Variants in KCNIP4 observed in about 807,000 individuals in gnomAD.
KCNIP4 encodes the protein Kv channel-interacting protein 4.
A neutral mutation model predicts 34.0 loss-of-function variants in KCNIP4; 12 were observed. That is an observed-to-expected ratio of 0.35 (90% CI 0.23 to 0.57). The LOEUF (loss-of-function observed/expected upper bound fraction) is 0.57. Among genes scored for constraint, KCNIP4 ranks in the 20% least tolerant of loss-of-function variants. KCNIP4 has a pLI of 0.83. For synonymous variants in KCNIP4, 124 were observed against 102.2 expected (o/e 1.21, Z -1.29); for missense variants, 238 against 311.7 (o/e 0.76, Z 1.78).
At chr4:20,773,387 C>A (rs771285271) in intron 3 of KCNIP4, among the ~76,000 whole-genome samples, 39 of 152,158 alleles carry the variant, frequency 2.6e-4, no homozygotes, top group Admixed American at 1.3e-3. Context: ...GTGTCTAGTA[C>A]TTCAGTGCTT....
chr4:21,093,153 C>T (rs1221053687), intron 1 of KCNIP4, among the ~76,000 whole-genome samples: 1 of 152,160 alleles, frequency 6.6e-6, no homozygotes, highest in African/African-American at 2.4e-5. Flanking sequence ...GTTGAGCAGG[C>T]AACATTGTTT....
intron 1 of KCNIP4, among the ~76,000 whole-genome samples, chr4:21,860,757 T>C (rs1026212628): frequency 1.3e-5 from 2 of 152,212 alleles, no homozygotes; most frequent in African/African-American, 4.8e-5. Flanking sequence ...ATTGAAGTTA[T>C]ACACATAGCC....
At chr4:21,137,098 A>C (rs1180485964) in intron 1 of KCNIP4, among the ~76,000 whole-genome samples, 1 of 146,450 alleles carries the variant, frequency 6.8e-6, no homozygotes, top group South Asian at 2.1e-4. Flanking sequence ...GTCTTGGCAA[A>C]ATATTTGAAC....
At chr4:20,830,264 C>A (rs572194640) in intron 3 of KCNIP4, among the ~76,000 whole-genome samples, 1 of 152,190 alleles carries the variant, frequency 6.6e-6, no homozygotes, top group South Asian at 2.1e-4. Flanking sequence ...CTTATAAATC[C>A]CTTTACAGGT....
At chr4:21,025,729 T>C (rs1326416638) in intron 1 of KCNIP4, among the ~76,000 whole-genome samples, 1 of 151,722 alleles carries the variant, frequency 6.6e-6, no homozygotes, top group Admixed American at 6.6e-5. Flanking sequence ...AATTTTTTTG[T>C]ATTTTTAGAA....
At chr4:20,814,236 A>T (rs1041759855) in intron 3 of KCNIP4, among the ~76,000 whole-genome samples, 1 of 152,204 alleles carries the variant, frequency 6.6e-6, no homozygotes, top group African/African-American at 2.4e-5. Context: ...TTGTTTGCAC[A>T]TTAATGTTTG....
rs142914901 is a variant in KCNIP4 at position 21,803,386 on chromosome 4, C to T, written c.61+145185G>A. ...ACAACCCTCTGGGCCAGTCTTCCCA[C>T]ATCCAACGTGGATCCTCCCCAATAT... is the stretch of plus-strand genomic sequence containing the variant. On this transcript the variant is annotated intron_variant, in intron 1 of 8. Transcript: ENST00000382152. Among the ~76,000 whole-genome samples the T allele has an allele frequency of 1.2e-3, 176 of 152,302 alleles. 1 individual carries two copies. The highest frequency in any genetic ancestry group is 3.4e-3 in the Middle Eastern group (1 of 294).
intron 1 of KCNIP4, among the ~76,000 whole-genome samples, chr4:21,287,212 T>A (rs1040269368): frequency 2.6e-5 from 4 of 152,220 alleles, no homozygotes; most frequent in African/African-American, 9.7e-5. Flanking sequence ...TTTTATTTCA[T>A]AGACTTCTGC....
intron 1 of KCNIP4, among the ~76,000 whole-genome samples, chr4:21,764,022 T>C (rs1455615568): frequency 1.3e-5 from 2 of 152,122 alleles, no homozygotes; most frequent in Non-Finnish European, 2.9e-5. Context: ...TAAATGTGAT[T>C]ATGTATTTTA....
At chr4:21,338,380 A>AT (rs915667404) in intron 1 of KCNIP4, among the ~76,000 whole-genome samples, 1 of 151,590 alleles carries the variant, frequency 6.6e-6, no homozygotes, top group Non-Finnish European at 1.5e-5. Flanking sequence ...CTGGAAAACC[A>AT]TTTTTTTTAA....
At chr4:21,106,534 C>CT (rs1456451879) in intron 1 of KCNIP4, among the ~76,000 whole-genome samples, 1 of 150,054 alleles carries the variant, frequency 6.7e-6, no homozygotes, top group Non-Finnish European at 1.5e-5. Context: ...TTTGTTGATC[C>CT]TTTCACAAAA....
intron 1 of KCNIP4, among the ~76,000 whole-genome samples, chr4:21,120,418 G>A (rs1157785074): frequency 6.6e-6 from 1 of 152,120 alleles, no homozygotes; most frequent in Non-Finnish European, 1.5e-5. Flanking sequence ...TTCTGTGTCT[G>A]TATTAGTCTG....
At chr4:21,424,806 A>G (rs1725801117) in intron 1 of KCNIP4, among the ~76,000 whole-genome samples, 3 of 152,244 alleles carry the variant, frequency 2.0e-5, no homozygotes, top group Admixed American at 2.0e-4. Context: ...TATCATTTTA[A>G]GTTAGCAGAT....
chr4:21,449,247 T>C (rs1728304514), intron 1 of KCNIP4, among the ~76,000 whole-genome samples: 1 of 152,190 alleles, frequency 6.6e-6, no homozygotes, highest in Non-Finnish European at 1.5e-5. Flanking sequence ...AACTCCTATT[T>C]TTTCTCTTTT....
chr4:21,107,952 T>C lies in KCNIP4; in HGVS notation c.62-225243A>G, dbSNP rs189427055. 3.6e-3 allele frequency among the ~76,000 whole-genome samples: 548 copies of C among 151,506 alleles called. 21 individuals are homozygous for C. Among genetic ancestry groups the C allele is most frequent in the African/African-American group, 0.013 (536 of 40,840 alleles). On this transcript the variant is annotated intron_variant, in intron 1 of 8. Transcript: ENST00000382152. The stretch of plus-strand genomic sequence containing the variant: ...CCCCACTCTCTTCTGGCTTGTAGAG[T>C]TTCTGCCGAGAAATCTGCTGTTAGT...
chr4:20,760,702 A>T (rs1422113998), intron 3 of KCNIP4, among the ~76,000 whole-genome samples: 1 of 152,184 alleles, frequency 6.6e-6, no homozygotes, highest in Non-Finnish European at 1.5e-5. Context: ...TTACACACTA[A>T]GCCAGTGGGG....
intron 1 of KCNIP4, among the ~76,000 whole-genome samples, chr4:21,897,926 G>A (rs376096217): frequency 1.2e-4 from 19 of 152,336 alleles, no homozygotes; most frequent in African/African-American, 3.6e-4. Flanking sequence ...CAGCAGGCAC[G>A]TGGTGTAGAG....
At chr4:21,099,837 T>A (rs1747787903) in intron 1 of KCNIP4, among the ~76,000 whole-genome samples, 1 of 152,110 alleles carries the variant, frequency 6.6e-6, no homozygotes. Context: ...CCCTTGTGAA[T>A]GACTTTGAAG....
chr4:21,077,772 C>A lies in KCNIP4; in HGVS notation c.62-195063G>T, dbSNP rs996864130. 2.6e-5 allele frequency among the ~76,000 whole-genome samples: 4 copies of A among 152,004 alleles called. No homozygotes were observed. In the East Asian group the frequency reaches 7.7e-4, roughly 29 times the overall value. On this transcript the variant is annotated intron_variant, in intron 1 of 8. Transcript: ENST00000382152. ...ACATTACTATTTATCTGGGAATAAT[C>A]CTTTTTATTATAATGTAATAATTGT... is the stretch of plus-strand genomic sequence containing the variant.
Sources: gnomAD v4.1 joint callset for allele counts (sites outside exome capture counted in the v4.1 genomes callset) on GRCh38, gnomAD v4.1.1 for gene constraint, MANE v1.5 for transcripts, NCBI Gene and HGNC (gene_info 2026-07-23, HGNC 2026-07-21) for gene names.